The following LPP variants were observed in gnomAD, a reference collection of about 807,000 sequenced individuals.
LPP encodes the protein LIM domain containing preferred translocation partner in lipoma.
In LPP, 38 loss-of-function variants were observed where a neutral mutation model predicts 60.4. That is an observed-to-expected ratio of 0.63 (90% CI 0.49 to 0.83). The LOEUF is 0.83. Among genes scored for constraint, LPP ranks in the 40% least tolerant of loss-of-function variants. LPP has a pLI of 0.00. For missense variants in LPP, 902 were observed against 783.6 expected (o/e 1.15, Z -1.80); for synonymous variants, 328 against 290.8 (o/e 1.13, Z -1.30).
At chr3:188,177,822 AG>A (rs144172204) in intron 1 of LPP, among the ~76,000 whole-genome samples, 1,697 of 152,276 alleles carry the variant, frequency 0.011, 11 homozygotes, top group Middle Eastern at 0.024. Context: ...GGAGAGATGG[AG>A]CTGCCCTGAG....
At chr3:188,578,878 T>A (rs1367564587) in intron 6 of LPP, among the ~76,000 whole-genome samples, 1 of 152,170 alleles carries the variant, frequency 6.6e-6, no homozygotes, top group Non-Finnish European at 1.5e-5. Context: ...TTCCCCACTC[T>A]AAGCATCTTT....
At chr3:188,664,667 T>C (rs901609915) in intron 7 of LPP, among the ~76,000 whole-genome samples, 1 of 151,980 alleles carries the variant, frequency 6.6e-6, no homozygotes, top group African/African-American at 2.4e-5. Flanking sequence ...CATGGACCCA[T>C]TGCCACAATC....
chr3:188,374,642 T>G (rs2151113396), intron 3 of LPP, among the ~76,000 whole-genome samples: 1 of 152,322 alleles, frequency 6.6e-6, no homozygotes, highest in African/African-American at 2.4e-5. Flanking sequence ...TACAATCATG[T>G]CGTCTGCAAA....
intron 8 of LPP, among the ~76,000 whole-genome samples, chr3:188,735,409 C>A (rs1007422470): frequency 4.6e-5 from 7 of 151,760 alleles, no homozygotes; most frequent in Non-Finnish European, 8.8e-5. Context: ...GAGACGAAGT[C>A]TTGCTCTCAT....
At chr3:188,406,390 G>C in intron 4 of LPP, 77 bp downstream of exon 4, 1 of 1,346,354 alleles carries the variant, frequency 7.4e-7, no homozygotes, top group Non-Finnish European at 1.0e-6. Flanking sequence ...GTACAAAGTT[G>C]TGTCAGAAAA....
rs557101531 is a variant in LPP at position 188,880,642 on chromosome 3, A to G, written c.*6163A>G. On this transcript the variant is annotated 3_prime_UTR_variant, in exon 12 of 12. Coordinates refer to ENST00000617246, the MANE Select transcript of LPP (RefSeq NM_001375462.1). ...CCACTTAAGGGCCAGAGAAATCCTT[A>G]TTCATTTAACTCTGGTGGGCATTTA... 5.3e-6 allele frequency: 1 copy of G among 187,842 alleles called. No homozygotes were observed. The highest frequency in any genetic ancestry group is 2.0e-4 in the South Asian group (1 of 5,126). 11.6% of individuals were successfully genotyped at this position (187,842 alleles called of 1,614,324 possible). A position where few individuals can be genotyped will look rare whatever the true frequency, so the allele number is the denominator to read the frequency against.
intron 4 of LPP, among the ~76,000 whole-genome samples, chr3:188,446,666 T>G (rs754359984): frequency 8.5e-5 from 13 of 152,238 alleles, no homozygotes; most frequent in Non-Finnish European, 1.6e-4. Context: ...TTTGTGGCAT[T>G]GCTTTCATTG....
At chr3:188,524,188 G>T (rs1391983024) in intron 5 of LPP, among the ~76,000 whole-genome samples, 1 of 152,084 alleles carries the variant, frequency 6.6e-6, no homozygotes, top group Non-Finnish European at 1.5e-5. Context: ...ATACCCCCTG[G>T]ACCTGAGACT....
intron 7 of LPP, among the ~76,000 whole-genome samples, chr3:188,699,849 G>A (rs1864028119): frequency 6.6e-6 from 1 of 152,186 alleles, no homozygotes; most frequent in Admixed American, 6.5e-5. Context: ...TAAGCAGTGA[G>A]ATGTTGAGAG....
intron 7 of LPP, among the ~76,000 whole-genome samples, chr3:188,668,688 C>G (rs1856319285): frequency 6.6e-6 from 1 of 152,190 alleles, no homozygotes; most frequent in African/African-American, 2.4e-5. Flanking sequence ...AACAGACGTG[C>G]AAGATCACTG....
At chr3:188,802,101 C>T (rs1747447843) in intron 9 of LPP, among the ~76,000 whole-genome samples, 1 of 152,030 alleles carries the variant, frequency 6.6e-6, no homozygotes, top group Non-Finnish European at 1.5e-5. Flanking sequence ...GTAACTATGA[C>T]TCTTATGTTT....
intron 7 of LPP, among the ~76,000 whole-genome samples, chr3:188,637,103 A>G (rs1227726448): frequency 1.3e-5 from 2 of 150,840 alleles, no homozygotes; most frequent in Admixed American, 6.6e-5. Flanking sequence ...AATTGACCAC[A>G]TACTTGGAAG....
chr3:188,665,622 G>C (rs1378272211), intron 7 of LPP, among the ~76,000 whole-genome samples: 1 of 151,880 alleles, frequency 6.6e-6, no homozygotes, highest in African/African-American at 2.4e-5. Context: ...ACCACACCAG[G>C]CTAATTTTTG....
At chr3:188,664,694 C>CA (rs1438012643) in intron 7 of LPP, among the ~76,000 whole-genome samples, 6 of 151,744 alleles carry the variant, frequency 4.0e-5, no homozygotes, top group Admixed American at 3.3e-4. Context: ...TTATGTGAAA[C>CA]AAAAAATATT....
chr3:188,777,899 A>G (rs1738353352), intron 9 of LPP, among the ~76,000 whole-genome samples: 1 of 152,232 alleles, frequency 6.6e-6, no homozygotes, highest in Non-Finnish European at 1.5e-5. Context: ...GAACTTATTC[A>G]AAACAGTAAT....
chr3:188,378,418 G>A (rs560069393), intron 3 of LPP, among the ~76,000 whole-genome samples: 11 of 152,264 alleles, frequency 7.2e-5, no homozygotes, highest in Admixed American at 2.0e-4. Flanking sequence ...AATGGCAGGC[G>A]CCCCTCCCCC....
chr3:188,817,966 A>C (rs1213917699), intron 9 of LPP, among the ~76,000 whole-genome samples: 1 of 152,212 alleles, frequency 6.6e-6, no homozygotes, highest in Non-Finnish European at 1.5e-5. Context: ...TGCAGGGATC[A>C]TATTCTAAGG....
At chr3:188,787,902 T>C (rs1275687669) in intron 9 of LPP, among the ~76,000 whole-genome samples, 1 of 152,184 alleles carries the variant, frequency 6.6e-6, no homozygotes, top group Non-Finnish European at 1.5e-5. Context: ...CAGATATGTA[T>C]CTATCATTTT....
intron 1 of LPP, among the ~76,000 whole-genome samples, chr3:188,214,319 CAG>C (rs1389913971): frequency 6.6e-6 from 1 of 152,028 alleles, no homozygotes; most frequent in African/African-American, 2.4e-5. Flanking sequence ...TTAGTAGAGA[CAG>C]GGTTTCACCA....
Sources: allele counts gnomAD v4.1 joint callset (sites outside exome capture counted in the v4.1 genomes callset), GRCh38; gene constraint gnomAD v4.1.1; transcripts MANE v1.5; gene names NCBI Gene and HGNC (gene_info 2026-07-23, HGNC 2026-07-21).